PDE1C: variants seen among roughly 807,000 people sequenced by gnomAD.
The protein encoded by PDE1C is phosphodiesterase 1C, also known as dual specificity calcium/calmodulin-dependent 3',5'-cyclic nucleotide phosphodiesterase 1C.
A neutral mutation model predicts 93.1 loss-of-function variants in PDE1C; 62 were observed. That is an observed-to-expected ratio of 0.67 (90% CI 0.54 to 0.82). The LOEUF is 0.82. PDE1C is among the 40% of genes least tolerant of loss of function. The probability of loss-of-function intolerance (pLI) is 0.00; values close to 1 mark genes in which losing one functional copy is unlikely to be tolerated. For missense variants in PDE1C, 742 were observed against 884.6 expected, an observed-to-expected ratio of 0.84 and a Z score of 2.04; for synonymous variants, 325 against 310.1, an observed-to-expected ratio of 1.05 and a Z score of -0.50.
At chr7:32,228,251 T>G (rs1807438257) in intron 1 of PDE1C, among the ~76,000 whole-genome samples, 1 of 152,178 alleles carries the variant, frequency 6.6e-6, no homozygotes, top group Non-Finnish European at 1.5e-5. Context: ...GTTGTGTTTC[T>G]TACAGAGGTA....
chr7:31,711,910 GCCTCTGCCATGGCTGGGGACCCT>G, the PDE1C span, among the ~76,000 whole-genome samples: 1 of 152,112 alleles, frequency 6.6e-6, no homozygotes, highest in Non-Finnish European at 1.5e-5. Flanking sequence ...AGTGACACTG[GCCTCTGCCATGGCTGGGGACCCT>G]CCTCTCCCTT....
Position 31,775,661 on chromosome 7 carries a change from C to T in PDE1C, c.1960+3G>A. The stretch of plus-strand genomic sequence containing the variant: ...AGATAATGGTGCAATGCTGTTTACC[C>T]ACCTGGCAACGTAAGGCGACACGTG... On this transcript the variant is annotated splice_donor_region_variant and intron_variant, in intron 17 of 17. Transcript: ENST00000396191. The T allele has an allele frequency of 6.2e-7, 1 of 1,612,164 alleles. No individual in the cohort carries two copies. Among genetic ancestry groups the T allele is most frequent in the Non-Finnish European group, 8.5e-7 (1 of 1,179,338 alleles).
At chr7:32,086,412 G>A (rs1387878377) in intron 3 of PDE1C, among the ~76,000 whole-genome samples, 6 of 152,096 alleles carry the variant, frequency 3.9e-5, no homozygotes, top group Non-Finnish European at 7.4e-5. Context: ...TAAATATCGT[G>A]AAAATGGCCA....
intron 7 of PDE1C, among the ~76,000 whole-genome samples, chr7:31,859,401 C>T (rs10233261): frequency 0.82 from 122,025 of 148,170 alleles, 50,911 homozygotes; most frequent in Non-Finnish European, 0.88. Flanking sequence ...ACAGTAATGG[C>T]ACAATATCCT....
intron 7 of PDE1C, among the ~76,000 whole-genome samples, chr7:31,864,358 TA>T (rs997904402): frequency 6.6e-6 from 1 of 152,080 alleles, no homozygotes; most frequent in Non-Finnish European, 1.5e-5. Context: ...TTCCATGTCT[TA>T]AAAAAAAATT....
chr7:31,919,557 C>T (rs1029022234), intron 2 of PDE1C, among the ~76,000 whole-genome samples: 1 of 151,802 alleles, frequency 6.6e-6, no homozygotes, highest in Non-Finnish European at 1.5e-5. Context: ...AAAAAAAGAC[C>T]CTAACCTCAA....
upstream of PDE1C, among the ~76,000 whole-genome samples, chr7:32,071,780 G>A (rs932190736): frequency 6.6e-6 from 1 of 152,158 alleles, no homozygotes; most frequent in Non-Finnish European, 1.5e-5. Flanking sequence ...GATGAAGAGA[G>A]GAACCAAAGA....
intron 1 of PDE1C, among the ~76,000 whole-genome samples, chr7:32,214,679 G>A (rs1418085507): frequency 6.6e-6 from 1 of 152,208 alleles, no homozygotes; most frequent in East Asian, 1.9e-4. Context: ...AATCGAGCGA[G>A]GTATATCTCT....
Position 32,131,824 on chromosome 7 carries a change from G to A in PDE1C, c.308+37961C>T, listed in dbSNP as rs893250419. Among the ~76,000 whole-genome samples the A allele has an allele frequency of 3.3e-5, 5 of 151,994 alleles. No individual in the cohort carries two copies. The South Asian group carries it at 1.0e-3, about 32-fold the overall frequency. ...ACCAAGCATTGTTTTAGACACTGGGGACACAACAGTGAATGTGACAACAGA... is the reference window on the plus strand; with the variant it reads ...ACCAAGCATTGTTTTAGACACTGGGAACACAACAGTGAATGTGACAACAGA... On this transcript the variant is annotated intron_variant, in intron 3 of 18. Transcript: ENST00000396193.
At chr7:32,110,837 G>A (rs539911549) in intron 3 of PDE1C, among the ~76,000 whole-genome samples, 4 of 152,148 alleles carry the variant, frequency 2.6e-5, no homozygotes, top group African/African-American at 4.8e-5. Context: ...TGAGATACAT[G>A]AAAATATCTA....
At chr7:32,395,378 T>C (rs1784823030) in intron 1 of PDE1C, among the ~76,000 whole-genome samples, 1 of 151,702 alleles carries the variant, frequency 6.6e-6, no homozygotes, top group Admixed American at 6.6e-5. Context: ...TCCAGAAAGA[T>C]GAGGGGGGCA....
chr7:31,902,734 T>G (rs2128923147), intron 2 of PDE1C, among the ~76,000 whole-genome samples: 1 of 151,644 alleles, frequency 6.6e-6, no homozygotes, highest in African/African-American at 2.4e-5. Context: ...TCTTCAATTT[T>G]TATAGCTATC....
chr7:31,778,487 A>G (rs1042466246), intron 16 of PDE1C, among the ~76,000 whole-genome samples: 2 of 152,180 alleles, frequency 1.3e-5, no homozygotes, highest in Non-Finnish European at 2.9e-5. Context: ...AATGTTTAGC[A>G]GTGTCCCTGG....
the PDE1C span, among the ~76,000 whole-genome samples, chr7:31,744,753 G>A: frequency 2.0e-5 from 3 of 152,116 alleles, no homozygotes; most frequent in South Asian, 4.1e-4. Context: ...CATCTCCCAA[G>A]GCATTTTAGC....
intron 2 of PDE1C, among the ~76,000 whole-genome samples, chr7:32,030,881 G>A (rs1790216958): frequency 6.6e-6 from 1 of 151,942 alleles, no homozygotes; most frequent in South Asian, 2.1e-4. Flanking sequence ...CAACCACCAA[G>A]AAAAATATTT....
intron 16 of PDE1C, among the ~76,000 whole-genome samples, chr7:31,805,884 C>A (rs1282303298): frequency 6.6e-6 from 1 of 151,848 alleles, no homozygotes; most frequent in Non-Finnish European, 1.5e-5. Flanking sequence ...TCATTTATTT[C>A]CTGGCTCCCA....
At chr7:31,652,621 AC>A in the PDE1C span, 23 of 1,613,520 alleles carry the variant, frequency 1.4e-5, no homozygotes, top group Non-Finnish European at 1.9e-5. Flanking sequence ...TCTAAAATCC[AC>A]CCAGGCATGG....
the PDE1C span, among the ~76,000 whole-genome samples, chr7:31,698,601 A>G: frequency 6.6e-6 from 1 of 152,222 alleles, no homozygotes; most frequent in Non-Finnish European, 1.5e-5. Flanking sequence ...TAATCTTCAA[A>G]CTGTCTTCAT....
At chr7:32,380,566 C>T (rs1281739014) in intron 1 of PDE1C, among the ~76,000 whole-genome samples, 1 of 151,844 alleles carries the variant, frequency 6.6e-6, no homozygotes, top group Non-Finnish European at 1.5e-5. Flanking sequence ...CTTGAACCTG[C>T]CCAATTGAGC....
Sources: allele counts gnomAD v4.1 joint callset (sites outside exome capture counted in the v4.1 genomes callset), GRCh38; gene constraint gnomAD v4.1.1; transcripts MANE v1.5; gene names NCBI Gene and HGNC (gene_info 2026-07-23, HGNC 2026-07-21).